TENM1: variants seen among roughly 807,000 people sequenced by gnomAD.
The protein encoded by TENM1 is teneurin-1.
Under a neutral mutation model 174.8 loss-of-function variants are expected in TENM1, and 35 were observed. That is an observed-to-expected ratio of 0.20 (90% CI 0.15 to 0.27). The LOEUF is 0.27. Ranked by LOEUF, TENM1 falls within the 10% of genes least tolerant of loss-of-function variation. TENM1 has a pLI of 1.00. For synonymous variants in TENM1, 781 were observed against 798.7 expected, an observed-to-expected ratio of 0.98 and a Z score of 0.37; for missense variants, 1,633 against 2,130.1, an observed-to-expected ratio of 0.77 and a Z score of 4.59.
intron 11 of TENM1, among the ~76,000 whole-genome samples, chrX:124,577,624 C>T (rs894671750): frequency 3.6e-5 from 4 of 111,469 alleles, no homozygotes; most frequent in African/African-American, 9.8e-5. Flanking sequence ...TCCTATGAGT[C>T]GCCACACCCA....
At chrX:124,739,623 G>A (rs1368697172) in intron 3 of TENM1, among the ~76,000 whole-genome samples, 1 of 112,091 alleles carries the variant, frequency 8.9e-6, no homozygotes, top group Non-Finnish European at 1.9e-5. Context: ...TGCTACTTCG[G>A]AACATAAACA....
At chrX:125,192,489 T>C in the TENM1 span, among the ~76,000 whole-genome samples, 1 of 112,055 alleles carries the variant, frequency 8.9e-6, no homozygotes, top group Non-Finnish European at 1.9e-5. Context: ...TGTGAAAAAC[T>C]ATATGAGAAC....
chrX:124,919,516 T>C (rs1245277174), intron 1 of TENM1, among the ~76,000 whole-genome samples: 1 of 111,013 alleles, frequency 9.0e-6, no homozygotes, highest in African/African-American at 3.3e-5. Context: ...TTTTTAGGGA[T>C]GCATACATAC....
At chrX:124,429,265 G>A (rs2060751153) in intron 23 of TENM1, among the ~76,000 whole-genome samples, 2 of 111,727 alleles carry the variant, frequency 1.8e-5, no homozygotes, top group African/African-American at 6.5e-5. Flanking sequence ...GACTTTTTAT[G>A]AGTTGAGTGA....
chrX:124,689,772 T>C (rs1569394054), intron 5 of TENM1, among the ~76,000 whole-genome samples: 1 of 110,767 alleles, frequency 9.0e-6, no homozygotes, highest in Non-Finnish European at 1.9e-5. Context: ...ACATATACTA[T>C]GTTTTTTTTT....
At chrX:125,010,903 G>T in the TENM1 span, among the ~76,000 whole-genome samples, 3 of 110,693 alleles carry the variant, frequency 2.7e-5, no homozygotes, top group Non-Finnish European at 3.8e-5. Context: ...GAACAAAGCT[G>T]CAGGTATCAC....
intron 1 of TENM1, among the ~76,000 whole-genome samples, chrX:124,912,374 T>G (rs954557290): frequency 2.1e-4 from 23 of 111,593 alleles, no homozygotes; most frequent in Non-Finnish European, 2.3e-4. Context: ...GTGTTCACTT[T>G]TCTTCCCAAA....
At chrX:124,548,422 A>G (rs1015380795) in intron 14 of TENM1, among the ~76,000 whole-genome samples, 1 of 111,283 alleles carries the variant, frequency 9.0e-6, no homozygotes, top group Admixed American at 9.5e-5. Flanking sequence ...TTAGTAGGAG[A>G]AAGAGATATG....
intron 6 of TENM1, among the ~76,000 whole-genome samples, chrX:124,664,532 G>GAAA (rs779501054): frequency 1.7e-4 from 5 of 29,252 alleles, no homozygotes; most frequent in East Asian, 1.7e-3. Context: ...TAAAGCAAAA[G>GAAA]AAAAAAAAAA....
chrX:125,161,333 T>C, the TENM1 span, among the ~76,000 whole-genome samples: 2 of 112,094 alleles, frequency 1.8e-5, no homozygotes, highest in Admixed American at 1.9e-4. Flanking sequence ...TTTTATACTG[T>C]ATTAGTTTTT....
At chrX:124,398,437 T>C (rs1042546759) in intron 27 of TENM1, among the ~76,000 whole-genome samples, 1 of 110,555 alleles carries the variant, frequency 9.0e-6, no homozygotes, top group Non-Finnish European at 1.9e-5. Flanking sequence ...ACAGGGCATA[T>C]GTTCAGTACT....
intron 9 of TENM1, among the ~76,000 whole-genome samples, chrX:124,645,860 T>C (rs2051144381): frequency 9.0e-6 from 1 of 111,731 alleles, no homozygotes; most frequent in Admixed American, 9.5e-5. Context: ...AACTATGCAC[T>C]TTTTGAGGAC....
chrX:124,470,099 A>G (rs2061283107), intron 22 of TENM1, among the ~76,000 whole-genome samples: 1 of 111,624 alleles, frequency 9.0e-6, no homozygotes, highest in African/African-American at 3.3e-5. Flanking sequence ...GGCAATATCT[A>G]CTACTGCTAA....
intron 6 of TENM1, among the ~76,000 whole-genome samples, chrX:124,655,895 C>T (rs761052630): frequency 1.8e-5 from 2 of 111,619 alleles, no homozygotes; most frequent in Non-Finnish European, 3.8e-5. Context: ...AATTTGGCCC[C>T]TAAAGGGCTG....
intron 3 of TENM1, among the ~76,000 whole-genome samples, chrX:124,787,162 T>A (rs1209514847): frequency 8.9e-6 from 1 of 111,844 alleles, no homozygotes; most frequent in African/African-American, 3.3e-5. Context: ...TAACCTTTTA[T>A]GTACAAAAGC....
At chrX:125,088,512 T>C in the TENM1 span, among the ~76,000 whole-genome samples, 1 of 111,361 alleles carries the variant, frequency 9.0e-6, no homozygotes, top group African/African-American at 3.3e-5. Flanking sequence ...GGATGGTTAA[T>C]CTCTGTACCA....
At chrX:124,592,745 C>T (rs1310415644) in intron 11 of TENM1, among the ~76,000 whole-genome samples, 1 of 106,125 alleles carries the variant, frequency 9.4e-6, no homozygotes, top group East Asian at 3.0e-4. Flanking sequence ...CCACCATGCC[C>T]AGGCCTTACT....
chrX:124,416,337 G>T (rs2060593745), intron 25 of TENM1, among the ~76,000 whole-genome samples: 1 of 111,480 alleles, frequency 9.0e-6, no homozygotes, highest in African/African-American at 3.3e-5. Flanking sequence ...TCATATAAAT[G>T]GAATCAGAAG....
chrX:124,950,990 C>G (rs1350895892), intron 1 of TENM1, among the ~76,000 whole-genome samples: 1 of 111,720 alleles, frequency 9.0e-6, no homozygotes, highest in Non-Finnish European at 1.9e-5. Flanking sequence ...ATTATAAATT[C>G]TACTGTGACA....
Sources: allele counts gnomAD v4.1 joint callset (sites outside exome capture counted in the v4.1 genomes callset), GRCh38; gene constraint gnomAD v4.1.1; transcripts MANE v1.5; gene names NCBI Gene and HGNC (gene_info 2026-07-23, HGNC 2026-07-21).